Variants in ABLIM1 observed in about 807,000 individuals in gnomAD.
The protein encoded by ABLIM1 is actin binding LIM protein 1, also known as actin-binding LIM protein 1.
ABLIM1 carries 40 observed loss-of-function variants against 107.0 expected under a neutral mutation model. That is an observed-to-expected ratio of 0.37 (90% CI 0.29 to 0.49). The LOEUF is 0.49. ABLIM1 is among the 20% of genes least tolerant of loss of function. The pLI, the probability that ABLIM1 is intolerant of heterozygous loss-of-function variation, is 0.97. For missense variants in ABLIM1, 857 were observed against 1,008.5 expected (o/e 0.85, Z 2.04); for synonymous variants, 357 against 357.3 (o/e 1.00, Z 0.01).
chr10:114,626,570 C>T (rs571338480), intron 1 of ABLIM1, among the ~76,000 whole-genome samples: 2 of 152,254 alleles, frequency 1.3e-5, no homozygotes, highest in South Asian at 4.2e-4. Flanking sequence ...TCCTCCCTTC[C>T]TCTTCACCAC....
intron 6 of ABLIM1, among the ~76,000 whole-genome samples, chr10:114,506,899 A>G (rs980672834): frequency 6.6e-6 from 1 of 152,180 alleles, no homozygotes; most frequent in Non-Finnish European, 1.5e-5. Context: ...ATAAATCTTA[A>G]AGGACTTCAT....
At chr10:114,722,450 T>C (rs1401143899) in intron 1 of ABLIM1, among the ~76,000 whole-genome samples, 2 of 152,184 alleles carry the variant, frequency 1.3e-5, no homozygotes, top group Non-Finnish European at 2.9e-5. Context: ...GGATTACAAT[T>C]TGAAATGAGA....
rs1291369130 is a variant in ABLIM1, at chr10:114,433,423, T to C, written c.*2837A>G. 6.6e-6 allele frequency: 1 copy of C among 152,002 alleles called. No individual in the cohort carries two copies. The highest frequency in any genetic ancestry group is 2.4e-5 in the African/African-American group (1 of 41,374). The allele number at this position is 152,002 out of a possible 1,614,324, so 9.4% of individuals were successfully genotyped here. On this transcript the variant is annotated 3_prime_UTR_variant, in exon 23 of 23. Transcript: ENST00000533213. ...TGGAGCCTTTTGCTGGGAAATGGAG[T>C]AGGGGGCCCACTCTGCATTATGGTT...
chr10:114,614,908 G>A (rs1219170370), intron 1 of ABLIM1, among the ~76,000 whole-genome samples: 1 of 151,988 alleles, frequency 6.6e-6, no homozygotes, highest in Admixed American at 6.6e-5. Context: ...AAATTAGCCA[G>A]GTGTGGTGGT....
intron 1 of ABLIM1, among the ~76,000 whole-genome samples, chr10:114,603,953 C>CAAAA (rs56037072): frequency 3.8e-5 from 5 of 131,372 alleles, no homozygotes; most frequent in African/African-American, 1.5e-4. Flanking sequence ...GACTTTGTCT[C>CAAAA]AAAAAAAAAA....
In ABLIM1 at chr10:114,658,272, C is replaced by T; in HGVS notation, c.-72G>A. 1 of 1,529,078 alleles carries T rather than the reference C, an allele frequency of 6.5e-7. No homozygotes were observed. 94.7% of individuals were successfully genotyped at this position (1,529,078 alleles called of 1,614,324 possible). A position where few individuals can be genotyped will look rare whatever the true frequency, so the allele number is the denominator to read the frequency against. On this transcript the variant is annotated 5_prime_UTR_variant, in exon 1 of 23. Transcript: ENST00000533213. The stretch of plus-strand genomic sequence containing the variant: ...AGGAGCGGTGCTGCCCCACAATTCT[C>T]TCTGTTCCCCTGGCTCCTTACTGTC...
the ABLIM1 span, chr10:114,778,592 CACACACACACACACACACACAT>C: frequency 6.6e-6 from 1 of 150,400 alleles, no homozygotes; most frequent in African/African-American, 2.5e-5. Context: ...CACACACACA[CACACACACACACACACACACAT>C]ACATTTTAAC....
intron 2 of ABLIM1, among the ~76,000 whole-genome samples, chr10:114,575,865 T>C (rs891101655): frequency 2.0e-5 from 3 of 152,228 alleles, no homozygotes; most frequent in Non-Finnish European, 2.9e-5. Context: ...CAGTCTTTGA[T>C]AGAAAGATAC....
chr10:114,743,220 A>G (rs2082321643), intron 1 of ABLIM1, among the ~76,000 whole-genome samples: 1 of 152,230 alleles, frequency 6.6e-6, no homozygotes, highest in African/African-American at 2.4e-5. Flanking sequence ...TCTAGAATTA[A>G]TGGTTTATAT....
chr10:114,632,944 G>A (rs1353935844), intron 1 of ABLIM1, among the ~76,000 whole-genome samples: 1 of 152,122 alleles, frequency 6.6e-6, no homozygotes, highest in African/African-American at 2.4e-5. Context: ...CCTGTGACCT[G>A]TCCTGCTGTC....
intron 2 of ABLIM1, among the ~76,000 whole-genome samples, chr10:114,595,511 C>T (rs2075331169): frequency 6.6e-6 from 1 of 152,110 alleles, no homozygotes; most frequent in Non-Finnish European, 1.5e-5. Context: ...GAACAGATCA[C>T]ATTAAAACAA....
chr10:114,456,867 T>G (rs1032297334), intron 12 of ABLIM1, among the ~76,000 whole-genome samples: 1 of 151,912 alleles, frequency 6.6e-6, no homozygotes, highest in Non-Finnish European at 1.5e-5. Context: ...CTGTCACCAG[T>G]TGGGTGTGGT....
intron 12 of ABLIM1, among the ~76,000 whole-genome samples, chr10:114,453,687 G>A (rs977340140): frequency 5.9e-5 from 9 of 152,218 alleles, no homozygotes; most frequent in Non-Finnish European, 1.2e-4. Context: ...TTTGAACTCA[G>A]GTGGAGCTGG....
At chr10:114,551,343 A>G (rs2068035017) in intron 4 of ABLIM1, among the ~76,000 whole-genome samples, 2 of 152,280 alleles carry the variant, frequency 1.3e-5, no homozygotes, top group Non-Finnish European at 2.9e-5. Context: ...TTTGAAAATA[A>G]AGACCACTGT....
intron 4 of ABLIM1, among the ~76,000 whole-genome samples, chr10:114,556,724 A>G (rs10885581): frequency 6.6e-6 from 1 of 151,960 alleles, no homozygotes; most frequent in African/African-American, 2.4e-5. Context: ...GTTGACCTTC[A>G]TCTTCATCCA....
upstream of ABLIM1, among the ~76,000 whole-genome samples, chr10:114,661,536 T>C (rs2079796183): frequency 6.6e-6 from 1 of 152,212 alleles, no homozygotes; most frequent in Non-Finnish European, 1.5e-5. Flanking sequence ...GAAGCACCAG[T>C]GGATTCAGGT....
upstream of ABLIM1, among the ~76,000 whole-genome samples, chr10:114,768,335 G>T (rs1241153595): frequency 6.7e-6 from 1 of 148,498 alleles, no homozygotes; most frequent in Non-Finnish European, 1.5e-5. Context: ...GCCCCGAGCC[G>T]CCGGGGCCCA....
At chr10:114,677,590 T>C (rs1029314679) in intron 1 of ABLIM1, among the ~76,000 whole-genome samples, 1 of 152,072 alleles carries the variant, frequency 6.6e-6, no homozygotes, top group African/African-American at 2.4e-5. Flanking sequence ...CTGGCCAACA[T>C]GGTAAAACCC....
intron 22 of ABLIM1, among the ~76,000 whole-genome samples, chr10:114,437,150 A>G (rs969693476): frequency 2.0e-5 from 3 of 152,006 alleles, no homozygotes; most frequent in African/African-American, 7.2e-5. Flanking sequence ...ACAGCCTCCC[A>G]TGAACTCAAC....
Sources: gnomAD v4.1 joint callset for allele counts (sites outside exome capture counted in the v4.1 genomes callset) on GRCh38, gnomAD v4.1.1 for gene constraint, MANE v1.5 for transcripts, NCBI Gene and HGNC (gene_info 2026-07-23, HGNC 2026-07-21) for gene names.